Variants in LRRC61 observed in about 807,000 individuals in gnomAD.
The protein encoded by LRRC61 is leucine rich repeat containing 61.
A neutral mutation model predicts 15.1 loss-of-function variants in LRRC61; 9 were observed. That is an observed-to-expected ratio of 0.60 (90% CI 0.36 to 1.04). The LOEUF (loss-of-function observed/expected upper bound fraction) is 1.04, where lower values mean the gene tolerates loss of function less well. Ranked by LOEUF, LRRC61 falls within the 50% of genes least tolerant of loss-of-function variation. LRRC61 has a pLI of 0.01. For synonymous variants in LRRC61, 173 were observed against 158.6 expected (o/e 1.09, Z -0.68); for missense variants, 344 against 335.6 (o/e 1.03, Z -0.20).
chr7:150,331,302 G>A, intron 2 of LRRC61: 1 of 588,112 alleles, frequency 1.7e-6, no homozygotes, highest in Non-Finnish European at 3.0e-6. Context: ...AGTCCGCTCA[G>A]GGTGGGATGG....
chr7:150,309,504 T>C, the LRRC61 span, among the ~76,000 whole-genome samples: 8 of 152,334 alleles, frequency 5.3e-5, no homozygotes, highest in South Asian at 1.5e-3. Context: ...ATTTCAGAGC[T>C]GCAACTGCTT....
At position 150,337,395 on chromosome 7, in the gene LRRC61, C is replaced by T; in HGVS notation, c.534C>T (p.Asp178=). The T allele has an allele frequency of 6.2e-7, 1 of 1,605,894 alleles. No homozygotes were observed. The highest frequency in any genetic ancestry group is 8.5e-7 in the Non-Finnish European group (1 of 1,179,952). The change falls in exon 3 of 3, where the codon GAC becomes GAT. Residue 178 remains aspartate (D), a synonymous_variant. Coordinates refer to ENST00000359623, the MANE Select transcript of LRRC61 (RefSeq NM_001142928.2). ...GTGAGTTCTACCAGCTGTGCCGAGA[C>T]CTGGACAGCTCCTTGCGTCCCAGCT... ...RGSEFYQLCR[D]LDSSLRPSSS...
chr7:150,316,481 TTA>T, the LRRC61 span, among the ~76,000 whole-genome samples: 207 of 86,754 alleles, frequency 2.4e-3, 6 homozygotes, highest in East Asian at 4.8e-3. Context: ...TAGAATCTGG[TTA>T]TTTTTTTTTT....
In LRRC61 at chr7:150,330,608, CGAG is replaced by C; in HGVS notation, c.-145+4602_-145+4604del. The stretch of plus-strand genomic sequence containing the variant: ...GTCAGCTCAACAAGCTCTTCTACCG[CGAG>C]GAGTTTGTGCTGGCCACCTTGCTGG... On this transcript the variant is annotated intron_variant, in intron 2 of 2. Coordinates refer to ENST00000359623, the MANE Select transcript of LRRC61 (RefSeq NM_001142928.2). The surrounding 1 kb of genome is among the most constrained non-coding windows in gnomAD (Gnocchi z 4.6). The C allele has an allele frequency of 1.2e-6, 1 of 825,568 alleles. No homozygotes were observed. The highest frequency in any genetic ancestry group is 2.2e-6 in the Non-Finnish European group (1 of 459,256). The allele number at this position is 825,568 out of a possible 1,614,324, so 51.1% of individuals were successfully genotyped here.
chr7:150,337,775 C>A lies in LRRC61; in HGVS notation c.*134C>A. 1 of 958,998 alleles carries A rather than the reference C, an allele frequency of 1.0e-6. No homozygotes were observed. The allele number at this position is 958,998 out of a possible 1,614,324, so 59.4% of individuals were successfully genotyped here. On this transcript the variant is annotated 3_prime_UTR_variant, in exon 3 of 3. Coordinates refer to ENST00000359623, the MANE Select transcript of LRRC61 (RefSeq NM_001142928.2). ...CACTGGGCTATTGCTTTATCCCTAT[C>A]CTGAGAGCAGCCCCTCCCCACCATC...
At position 150,330,418 on chromosome 7, in the gene LRRC61, A is replaced by C. The variant is rs1439864396; in HGVS notation, c.-145+4408A>C. 2.6e-6 allele frequency: 2 copies of C among 771,674 alleles called. No individual in the cohort carries two copies. Among genetic ancestry groups the C allele is most frequent in the East Asian group, 4.9e-5 (2 of 41,236 alleles). The allele number at this position is 771,674 out of a possible 1,614,324, so 47.8% of individuals were successfully genotyped here. A position where few individuals can be genotyped will look rare whatever the true frequency, so the allele number is the denominator to read the frequency against. On this transcript the variant is annotated intron_variant, in intron 2 of 2. Coordinates refer to ENST00000359623, the MANE Select transcript of LRRC61 (RefSeq NM_001142928.2). This position sits in a 1 kb window ranked among gnomAD's most constrained non-coding sequence, Gnocchi z 4.6. ...TAGCCCTTCCAGATGGTGGTCCGCG[A>C]GGCGAGTGCGGCACAGGCCTCTCTG...
Position 150,337,092 on chromosome 7 carries a change from A to G in LRRC61, c.231A>G (p.Leu77=). The G allele has an allele frequency of 6.2e-7, 1 of 1,612,810 alleles. No homozygotes were observed. The highest frequency in any genetic ancestry group is 8.5e-7 in the Non-Finnish European group (1 of 1,179,772). ...GCCCGCTGGCCTCCTTGCGCCAGCT[A>G]GCTGTGCTCAATGTCTCCAACAATC... ...HLGPLASLRQ[L]AVLNVSNNRL... Residue 77 remains leucine (L), a synonymous_variant, in exon 3 of 3, where the codon CTA becomes CTG. Coordinates refer to ENST00000359623, the MANE Select transcript of LRRC61 (RefSeq NM_001142928.2).
chr7:150,309,769 G>C, the LRRC61 span, among the ~76,000 whole-genome samples: 1 of 152,150 alleles, frequency 6.6e-6, no homozygotes, highest in Admixed American at 6.5e-5. Context: ...CTGGAGCTCT[G>C]GATCAAAGCT....
chr7:150,319,667 T>G (rs1340009939), upstream of LRRC61, among the ~76,000 whole-genome samples: 4 of 152,232 alleles, frequency 2.6e-5, no homozygotes, highest in Non-Finnish European at 5.9e-5. Context: ...TTTATTTATT[T>G]ATTGTTTGTT....
chr7:150,312,742 A>C, the LRRC61 span, among the ~76,000 whole-genome samples: 1 of 152,102 alleles, frequency 6.6e-6, no homozygotes, highest in African/African-American at 2.4e-5. Context: ...CCCTACCCCC[A>C]TAATCCCCAG....
At chr7:150,328,126 C>T (rs1163224984) in intron 2 of LRRC61, among the ~76,000 whole-genome samples, 2 of 152,046 alleles carry the variant, frequency 1.3e-5, no homozygotes, top group African/African-American at 4.8e-5. Flanking sequence ...TCAATATATG[C>T]GTGTGTGGGT....
chr7:150,318,889 C>A (rs978261471), upstream of LRRC61, among the ~76,000 whole-genome samples: 1 of 152,244 alleles, frequency 6.6e-6, no homozygotes, highest in South Asian at 2.1e-4. Context: ...ATGCATTTCA[C>A]TCCCTTAGGG....
upstream of LRRC61, among the ~76,000 whole-genome samples, chr7:150,319,824 G>A (rs1162733337): frequency 1.3e-5 from 2 of 152,186 alleles, no homozygotes; most frequent in Non-Finnish European, 2.9e-5. Context: ...AGGGCAAACA[G>A]GGATGCTGTA....
chr7:150,336,515 T>A (rs1029024828), intron 2 of LRRC61, among the ~76,000 whole-genome samples: 1 of 152,236 alleles, frequency 6.6e-6, no homozygotes, highest in African/African-American at 2.4e-5. Flanking sequence ...CCAGGGCCAG[T>A]CTGGGCTGCT....
chr7:150,321,193 C>T (rs1797473986), upstream of LRRC61, among the ~76,000 whole-genome samples: 2 of 152,206 alleles, frequency 1.3e-5, no homozygotes, highest in Non-Finnish European at 2.9e-5. Context: ...CTGACTTCCA[C>T]CCTGTTGCTT....
In LRRC61 at chr7:150,336,791, C is replaced by T. The variant is rs1385779062; in HGVS notation, c.-71C>T. 1.3e-6 allele frequency: 2 copies of T among 1,535,484 alleles called. No homozygotes were observed. Among genetic ancestry groups the T allele is most frequent in the Non-Finnish European group, 1.8e-6 (2 of 1,141,686 alleles). ...GGCCTGGGTAGAGCCAGGGCGAGCA[C>T]CAGCTGACCCCCAGTGGAACCCTGT... is the stretch of plus-strand genomic sequence containing the variant. On this transcript the variant is annotated 5_prime_UTR_variant, in exon 3 of 3. Transcript: ENST00000359623.
chr7:150,316,965 G>T, the LRRC61 span, among the ~76,000 whole-genome samples: 7 of 151,284 alleles, frequency 4.6e-5, no homozygotes, highest in Admixed American at 6.6e-5. Context: ...AAAAGTTTTG[G>T]TTTTTTTTCA....
rs749242548 is a variant in LRRC61, at chr7:150,330,638, C to A, written c.-145+4628C>A. ...AGTTTGTGCTGGCCACCTTGCTGGA[C>A]CCTTGCTTCAAGGGGAAGATTGAGG... On this transcript the variant is annotated intron_variant, in intron 2 of 2. Coordinates refer to ENST00000359623, the MANE Select transcript of LRRC61 (RefSeq NM_001142928.2). The surrounding 1 kb of genome is among the most constrained non-coding windows in gnomAD (Gnocchi z 4.6). The A allele has an allele frequency of 1.0e-6, 1 of 953,310 alleles. No individual in the cohort carries two copies. The highest frequency in any genetic ancestry group is 2.4e-5 in the East Asian group (1 of 41,948). The allele number at this position is 953,310 out of a possible 1,614,324, so 59.1% of individuals were successfully genotyped here. A position where few individuals can be genotyped will look rare whatever the true frequency, so the allele number is the denominator to read the frequency against.
chr7:150,338,052 C>G lies in LRRC61; in HGVS notation c.*411C>G. The G allele has an allele frequency of 2.3e-6, 1 of 426,928 alleles. No individual in the cohort carries two copies. The highest frequency in any genetic ancestry group is 2.1e-5 in the South Asian group (1 of 47,770). The allele number at this position is 426,928 out of a possible 1,614,324, so 26.4% of individuals were successfully genotyped here. On this transcript the variant is annotated 3_prime_UTR_variant, in exon 3 of 3. Coordinates refer to ENST00000359623, the MANE Select transcript of LRRC61 (RefSeq NM_001142928.2). ...CTGGAAGTGGGACTCCCCTGCCTTG[C>G]AAATGTGCCTCTCCAGACTGCTCCT... is the stretch of plus-strand genomic sequence containing the variant.
Sources: gnomAD v4.1 joint callset for allele counts (sites outside exome capture counted in the v4.1 genomes callset) on GRCh38, gnomAD v4.1.1 for gene constraint, Gnocchi (gnomAD v3.1) non-coding constraint, MANE v1.5 for transcripts, NCBI Gene and HGNC (gene_info 2026-07-23, HGNC 2026-07-21) for gene names.